TMEM132B: variants seen among roughly 807,000 people sequenced by gnomAD.
TMEM132B encodes the protein transmembrane protein 132B.
In TMEM132B, 18 loss-of-function variants were observed where a neutral mutation model predicts 90.8. That is an observed-to-expected ratio of 0.20 (90% CI 0.14 to 0.29). The LOEUF (loss-of-function observed/expected upper bound fraction) is 0.29. TMEM132B is among the 10% of genes least tolerant of loss of function. The pLI is 1.00. For synonymous variants in TMEM132B, 504 were observed against 523.3 expected (o/e 0.96, Z 0.50); for missense variants, 1,096 against 1,326.8 (o/e 0.83, Z 2.70).
At chr12:125,554,394 T>C (rs527247747) in intron 4 of TMEM132B, among the ~76,000 whole-genome samples, 36 of 131,696 alleles carry the variant, frequency 2.7e-4, no homozygotes, top group Non-Finnish European at 4.8e-4. Flanking sequence ...CACTGCACTC[T>C]AGCCTGGGCG....
chr12:125,319,194 G>A (rs1876360589), intron 1 of TMEM132B, among the ~76,000 whole-genome samples: 1 of 152,226 alleles, frequency 6.6e-6, no homozygotes, highest in African/African-American at 2.4e-5. Flanking sequence ...CCCGGGGCTG[G>A]TGGGAGGATT....
intron 3 of TMEM132B, among the ~76,000 whole-genome samples, chr12:125,434,399 T>C (rs61182297): frequency 0.028 from 4,286 of 152,244 alleles, 204 homozygotes; most frequent in African/African-American, 0.098. Flanking sequence ...GTGGCTGTCT[T>C]ATGGGGCCAC....
At chr12:125,641,852 A>T (rs1253685350) in intron 5 of TMEM132B, among the ~76,000 whole-genome samples, 2 of 152,188 alleles carry the variant, frequency 1.3e-5, no homozygotes, top group Non-Finnish European at 2.9e-5. Context: ...TTTTCCACAA[A>T]TGCAAGAGGT....
rs80098318 is a variant in TMEM132B, at chr12:125,209,805, C to G, written c.67+22939C>G. 0.028 allele frequency among the ~76,000 whole-genome samples: 4,322 copies of G among 152,312 alleles called. 79 individuals are homozygous for G. The highest frequency in any genetic ancestry group is 0.036 in the Admixed American group (558 of 15,306). On this transcript the variant is annotated intron_variant, in intron 1 of 8. Coordinates refer to ENST00000682704, the MANE Select transcript of TMEM132B (RefSeq NM_001366854.1). The surrounding 1 kb of genome is among the most constrained non-coding windows in gnomAD (Gnocchi z 4.4). The stretch of plus-strand genomic sequence containing the variant: ...GACACCAGTTGTACCGGTATAGTCT[C>G]TCCTTGTGGAACATGAAATTGTTCC...
In TMEM132B at chr12:125,349,549, C is replaced by G; in HGVS notation, c.165C>G (p.Ser55=). The part of the protein sequence containing the change: ...TNLHISNAEE[S]FFLKEANQDL... ...TGCACATCTCCAATGCAGAGGAGTC[C>G]TTTTTCCTTAAAGAAGCCAACCAAG... is the stretch of plus-strand genomic sequence containing the variant. Residue 55 remains serine (S), a synonymous_variant, in exon 2 of 9, where the codon TCC becomes TCG. Transcript: ENST00000682704. The surrounding 1 kb of genome is among the most constrained non-coding windows in gnomAD (Gnocchi z 4.1). 1 of 1,613,874 alleles carries G rather than the reference C, an allele frequency of 6.2e-7. No homozygotes were observed. The highest frequency in any genetic ancestry group is 8.5e-7 in the Non-Finnish European group (1 of 1,179,976).
intron 1 of TMEM132B, chr12:125,301,098 T>C (rs1157836205): frequency 6.6e-6 from 1 of 152,220 alleles, no homozygotes. Flanking sequence ...AGTTGAAATT[T>C]CGAGCATTTG....
At chr12:125,287,672 CAT>C (rs1233930277) in intron 1 of TMEM132B, among the ~76,000 whole-genome samples, 1 of 152,220 alleles carries the variant, frequency 6.6e-6, no homozygotes, top group Non-Finnish European at 1.5e-5. Context: ...AACCTCCCTG[CAT>C]AGTCTCTCTC....
chr12:125,495,481 GA>G (rs779344301), intron 3 of TMEM132B, among the ~76,000 whole-genome samples: 2 of 152,310 alleles, frequency 1.3e-5, no homozygotes, highest in South Asian at 2.1e-4. Flanking sequence ...AACTCAGGGT[GA>G]TAGCAGCTTT....
At position 125,350,256 on chromosome 12, in the gene TMEM132B, T is replaced by C; in HGVS notation, c.872T>C (p.Val291Ala). The C allele has an allele frequency of 6.2e-7, 1 of 1,614,106 alleles. No homozygotes were observed. Among genetic ancestry groups the C allele is most frequent in the Non-Finnish European group, 8.5e-7 (1 of 1,180,024 alleles). The change falls in exon 2 of 9, where the codon GTA (valine) becomes GCA (alanine). Residue 291 changes from valine to alanine, a missense_variant. Transcript: ENST00000682704. ...VSLDENVVIS[V>A]PLNLVREGDT... The stretch of plus-strand genomic sequence containing the variant: ...TTGGACGAGAATGTGGTCATCTCGG[T>C]ACCTCTGAATCTAGTCCGGGAAGGG...
chr12:125,654,616 G>A lies in TMEM132B; in HGVS notation c.3158G>A (p.Ser1053Asn), dbSNP rs1442169260. Residue 1053 changes from serine to asparagine, a missense_variant, in exon 9 of 9, where the codon AGC becomes AAC. By Grantham distance (46) the Ser-to-Asn change is conservative. Coordinates refer to ENST00000682704, the MANE Select transcript of TMEM132B (RefSeq NM_001366854.1). This position sits in a 1 kb window ranked among gnomAD's most constrained non-coding sequence, Gnocchi z 5.8. The part of the protein sequence containing the change: ...GPYTNSILFD[S>N]DDNIKWVCQD... ...TACACCAACTCCATCCTGTTTGACA[G>A]CGATGATAACATCAAGTGGGTCTGC... 1 of 1,614,232 alleles carries A rather than the reference G, an allele frequency of 6.2e-7. No individual in the cohort carries two copies.
intron 4 of TMEM132B, among the ~76,000 whole-genome samples, chr12:125,572,625 T>G (rs530283901): frequency 1.9e-4 from 29 of 152,360 alleles, no homozygotes; most frequent in South Asian, 1.2e-3. Flanking sequence ...ATAAAGTTAC[T>G]GTTTTCCCTT....
At chr12:125,588,905 A>T (rs1885240165) in intron 5 of TMEM132B, among the ~76,000 whole-genome samples, 1 of 152,228 alleles carries the variant, frequency 6.6e-6, no homozygotes, top group Non-Finnish European at 1.5e-5. Context: ...TATGTGTGAT[A>T]AAAAGCCCAA....
At chr12:125,446,488 A>G (rs532546348) in intron 3 of TMEM132B, among the ~76,000 whole-genome samples, 56 of 152,338 alleles carry the variant, frequency 3.7e-4, no homozygotes, top group African/African-American at 1.3e-3. Context: ...GTAGAAAAAA[A>G]AGTTGGATTT....
intron 1 of TMEM132B, among the ~76,000 whole-genome samples, chr12:125,244,975 G>A (rs1214992501): frequency 5.3e-5 from 8 of 152,076 alleles, no homozygotes; most frequent in Admixed American, 3.3e-4. Flanking sequence ...CAATTGGGGC[G>A]GATGGAGCTG....
intron 2 of TMEM132B, among the ~76,000 whole-genome samples, chr12:125,352,929 C>G (rs2136237323): frequency 6.6e-6 from 1 of 152,302 alleles, no homozygotes; most frequent in East Asian, 1.9e-4. Context: ...GTTACTGATT[C>G]AAAACTTGGT....
intron 4 of TMEM132B, among the ~76,000 whole-genome samples, chr12:125,533,591 G>A (rs2136702820): frequency 6.6e-6 from 1 of 152,336 alleles, no homozygotes; most frequent in East Asian, 1.9e-4. Flanking sequence ...CCTCTCCTCC[G>A]GGGAAGGACC....
intron 1 of TMEM132B, among the ~76,000 whole-genome samples, chr12:125,220,712 C>T (rs1326291401): frequency 6.6e-6 from 1 of 152,222 alleles, no homozygotes; most frequent in African/African-American, 2.4e-5. Context: ...CTTAGGTGAT[C>T]TTCCTGCCTC....
chr12:125,371,650 T>C (rs1878295322), intron 2 of TMEM132B, among the ~76,000 whole-genome samples: 1 of 152,212 alleles, frequency 6.6e-6, no homozygotes, highest in African/African-American at 2.4e-5. Flanking sequence ...TCACAGTAGA[T>C]CTGCTCTGTG....
At chr12:125,489,289 G>T (rs1882289212) in intron 3 of TMEM132B, among the ~76,000 whole-genome samples, 1 of 152,108 alleles carries the variant, frequency 6.6e-6, no homozygotes, top group South Asian at 2.1e-4. Context: ...GCTGAGAGAA[G>T]TTAAGTGATT....
Sources: gnomAD v4.1 joint callset for allele counts (sites outside exome capture counted in the v4.1 genomes callset) on GRCh38, gnomAD v4.1.1 for gene constraint, Gnocchi (gnomAD v3.1) non-coding constraint, MANE v1.5 for transcripts, NCBI Gene and HGNC (gene_info 2026-07-23, HGNC 2026-07-21) for gene names.